INTS4: variants seen among roughly 807,000 people sequenced by gnomAD.
INTS4 encodes MSTP093.
In INTS4, 70 loss-of-function variants were observed where a neutral mutation model predicts 119.5. That is an observed-to-expected ratio of 0.59 (90% CI 0.48 to 0.71). The LOEUF is 0.71. Ranked by LOEUF, INTS4 falls within the 30% of genes least tolerant of loss-of-function variation. The probability of loss-of-function intolerance (pLI) is 0.00; values close to 1 mark genes in which losing one functional copy is unlikely to be tolerated. For missense variants in INTS4, 867 were observed against 1,173.2 expected (o/e 0.74, Z 3.81); for synonymous variants, 316 against 419.6 (o/e 0.75, Z 3.02).
intron 9 of INTS4, among the ~76,000 whole-genome samples, chr11:77,939,828 G>A (rs1242494943): frequency 2.7e-5 from 4 of 150,908 alleles, no homozygotes; most frequent in Non-Finnish European, 4.4e-5. Context: ...CTGGGCGACA[G>A]AGCGAGACCC....
intron 2 of INTS4, among the ~76,000 whole-genome samples, chr11:77,986,105 C>T (rs1408301946): frequency 6.6e-6 from 1 of 152,204 alleles, no homozygotes; most frequent in African/African-American, 2.4e-5. Flanking sequence ...TTAATGCATG[C>T]AGCATGGACT....
At chr11:77,950,343 T>C (rs1401206090) in intron 8 of INTS4, among the ~76,000 whole-genome samples, 1 of 151,866 alleles carries the variant, frequency 6.6e-6, no homozygotes, top group East Asian at 1.9e-4. Context: ...TCTGCACATG[T>C]ATCCCAGAAC....
chr11:77,883,545 T>C (rs896598897), intron 22 of INTS4, among the ~76,000 whole-genome samples: 1 of 152,210 alleles, frequency 6.6e-6, no homozygotes, highest in African/African-American at 2.4e-5. Flanking sequence ...AATAATCTCC[T>C]GGTGTCCAGA....
chr11:77,905,766 CCA>C (rs1399495196), intron 16 of INTS4, among the ~76,000 whole-genome samples: 1 of 152,182 alleles, frequency 6.6e-6, no homozygotes, highest in African/African-American at 2.4e-5. Context: ...TTTCAGATGA[CCA>C]CAGTTAAAAA....
At chr11:77,948,158 C>A (rs1247474067) in intron 8 of INTS4, among the ~76,000 whole-genome samples, 1 of 150,698 alleles carries the variant, frequency 6.6e-6, no homozygotes, top group Non-Finnish European at 1.5e-5. Flanking sequence ...TAACTGAAGA[C>A]TCTGTAGTAA....
intron 8 of INTS4, among the ~76,000 whole-genome samples, chr11:77,946,117 T>G (rs1954041936): frequency 6.6e-6 from 1 of 152,232 alleles, no homozygotes; most frequent in African/African-American, 2.4e-5. Context: ...GTACATGTCT[T>G]GGCCAGAAAT....
chr11:77,956,762 CAAAT>C (rs1481784929), intron 7 of INTS4, among the ~76,000 whole-genome samples: 1 of 138,790 alleles, frequency 7.2e-6, no homozygotes, highest in Non-Finnish European at 1.6e-5. Context: ...TAATAATAAA[CAAAT>C]AAATACATAA....
intron 8 of INTS4, among the ~76,000 whole-genome samples, chr11:77,953,387 A>C (rs1251762335): frequency 1.3e-5 from 2 of 152,196 alleles, no homozygotes; most frequent in Non-Finnish European, 2.9e-5. Context: ...TTTAGTTTAT[A>C]AACATTTTCA....
chr11:77,889,093 A>G (rs554012979), intron 21 of INTS4, among the ~76,000 whole-genome samples: 3 of 152,322 alleles, frequency 2.0e-5, no homozygotes, highest in Admixed American at 6.5e-5. Context: ...CCAAAGGATT[A>G]TAAATCATGC....
chr11:77,935,732 C>G (rs1394504213), intron 10 of INTS4, among the ~76,000 whole-genome samples: 1 of 151,580 alleles, frequency 6.6e-6, no homozygotes, highest in Non-Finnish European at 1.5e-5. Context: ...CCCATCTCTA[C>G]AAAAAATACA....
chr11:77,977,200 G>A (rs1290467139), intron 4 of INTS4, among the ~76,000 whole-genome samples: 1 of 151,950 alleles, frequency 6.6e-6, no homozygotes, highest in Non-Finnish European at 1.5e-5. Context: ...TTTAAATACG[G>A]AAAATATTTT....
intron 14 of INTS4, among the ~76,000 whole-genome samples, chr11:77,920,423 C>T (rs1327020712): frequency 1.3e-4 from 20 of 151,320 alleles, no homozygotes; most frequent in Admixed American, 1.3e-4. Flanking sequence ...ACAGCATTCA[C>T]GAAGTGTTTG....
Position 77,956,039 on chromosome 11 carries a change from T to A in INTS4, c.821A>T (p.Asn274Ile). The change falls in exon 8 of 23, where the codon AAT becomes ATT. Residue 274 changes from asparagine (N) to isoleucine (I), a missense_variant. By Grantham distance (149) the Asn-to-Ile change is moderately radical. Coordinates refer to ENST00000534064, the MANE Select transcript of INTS4 (RefSeq NM_033547.4). The part of the protein sequence containing the change: ...PESIVPIPSS[N>I]EEIRLVDDAF... ...ATCATCAACTAAGCGTATTTCTTCATTAGAAGAAGGAATTGGGACAATGCT... is the reference window on the plus strand; with the variant it reads ...ATCATCAACTAAGCGTATTTCTTCAATAGAAGAAGGAATTGGGACAATGCT... 1 of 1,600,958 alleles carries A rather than the reference T, an allele frequency of 6.2e-7. No homozygotes were observed.
chr11:77,961,149 A>G lies in INTS4; in HGVS notation c.472-11T>C. The G allele has an allele frequency of 4.5e-6, 7 of 1,541,664 alleles. No individual in the cohort carries two copies. Among genetic ancestry groups the G allele is most frequent in the Non-Finnish European group, 6.1e-6 (7 of 1,151,422 alleles). ...CGTATCTGTCAGATGCTATTAAAAA[A>G]AAAAAAAAAAAGAAAAAAAGAAAAA... On this transcript the variant is annotated splice_polypyrimidine_tract_variant and intron_variant, in intron 4 of 22. Transcript: ENST00000534064.
At chr11:77,889,186 C>T (rs1952150848) in intron 21 of INTS4, among the ~76,000 whole-genome samples, 1 of 152,148 alleles carries the variant, frequency 6.6e-6, no homozygotes, top group South Asian at 2.1e-4. Flanking sequence ...AAATGTCCAA[C>T]AACGATAGAC....
intron 10 of INTS4, among the ~76,000 whole-genome samples, chr11:77,931,582 C>G (rs758769088): frequency 6.6e-6 from 1 of 151,964 alleles, no homozygotes; most frequent in Non-Finnish European, 1.5e-5. Flanking sequence ...CTCATGTACC[C>G]CTTAAATATA....
At chr11:77,908,474 G>A (rs1360218983) in intron 15 of INTS4, among the ~76,000 whole-genome samples, 5 of 151,914 alleles carry the variant, frequency 3.3e-5, no homozygotes, top group Admixed American at 2.6e-4. Context: ...GATTGCAGAC[G>A]CACACCAGCA....
At chr11:77,927,078 C>T (rs996342164) in intron 11 of INTS4, among the ~76,000 whole-genome samples, 2 of 151,988 alleles carry the variant, frequency 1.3e-5, no homozygotes, top group African/African-American at 4.8e-5. Flanking sequence ...GTTAAAGTGG[C>T]AGTTTTGCAA....
intron 15 of INTS4, among the ~76,000 whole-genome samples, 182 bp downstream of exon 15, chr11:77,918,639 G>A (rs1297680372): frequency 2.6e-5 from 4 of 152,114 alleles, no homozygotes; most frequent in Non-Finnish European, 4.4e-5. Flanking sequence ...AATATAAAGA[G>A]CTCTTTTAAA....
Sources: gnomAD v4.1 joint callset for allele counts (sites outside exome capture counted in the v4.1 genomes callset) on GRCh38, gnomAD v4.1.1 for gene constraint, MANE v1.5 for transcripts, NCBI Gene and HGNC (gene_info 2026-07-23, HGNC 2026-07-21) for gene names.